PCDHA6: variants seen among roughly 807,000 people sequenced by gnomAD.
PCDHA6 encodes the protein protocadherin alpha-6.
Under a neutral mutation model 60.3 loss-of-function variants are expected in PCDHA6, and 55 were observed. The ratio of observed to expected loss-of-function variants is 0.91; its 90% CI spans 0.73 to 1.14. PCDHA6 has a LOEUF of 1.14. Among genes scored for constraint, PCDHA6 ranks in the 50% most tolerant of loss-of-function variants. PCDHA6 has a pLI of 0.00. For missense variants in PCDHA6, 1,327 were observed against 1,256.5 expected (o/e 1.06, Z -0.85); for synonymous variants, 652 against 557.9 (o/e 1.17, Z -2.38).
intron 1 of PCDHA6, chr5:140,875,600 C>T: frequency 6.2e-7 from 1 of 1,613,884 alleles, no homozygotes; most frequent in Non-Finnish European, 8.5e-7. Context: ...AAACACGGCA[C>T]CTTCGTGGGC....
intron 3 of PCDHA6, among the ~76,000 whole-genome samples, chr5:141,000,417 A>T (rs1334137638): frequency 1.8e-3 from 141 of 77,654 alleles, no homozygotes; most frequent in African/African-American, 4.6e-3. Context: ...ATATATATAT[A>T]TATATTTTTT....
intron 3 of PCDHA6, among the ~76,000 whole-genome samples, chr5:141,000,381 CTCTCTCTCTCTCTCTATA>C (rs1371464108): frequency 4.9e-5 from 3 of 61,382 alleles, no homozygotes; most frequent in South Asian, 5.3e-4. Flanking sequence ...CTCTCTCTCT[CTCTCTCTCTCTCTCTATA>C]TATATATATA....
At chr5:140,873,590 A>C (rs1188968124) in intron 1 of PCDHA6, among the ~76,000 whole-genome samples, 2 of 152,202 alleles carry the variant, frequency 1.3e-5, no homozygotes, top group Non-Finnish European at 2.9e-5. Flanking sequence ...ATTAAGCTAA[A>C]CTTAGATGTT....
At chr5:140,831,424 A>G (rs2150194380) in intron 1 of PCDHA6, among the ~76,000 whole-genome samples, 13 of 151,636 alleles carry the variant, frequency 8.6e-5, no homozygotes, top group Non-Finnish European at 1.6e-4. Flanking sequence ...CAGTGGTGCA[A>G]TAATGGCTCA....
At chr5:140,986,861 C>T (rs1007036038) in intron 3 of PCDHA6, among the ~76,000 whole-genome samples, 12 of 152,086 alleles carry the variant, frequency 7.9e-5, no homozygotes, top group Non-Finnish European at 1.0e-4. Flanking sequence ...CAACAATACC[C>T]GGAAACTTGT....
In PCDHA6 at chr5:140,830,329, G is replaced by C. The variant is rs2150185018; in HGVS notation, c.2238G>C (p.Gly746=). 6.2e-7 allele frequency: 1 copy of C among 1,614,050 alleles called. No homozygotes were observed. Among genetic ancestry groups the C allele is most frequent in the Non-Finnish European group, 8.5e-7 (1 of 1,179,960 alleles). The change falls in exon 1 of 4, where the codon GGG becomes GGC. Residue 746 remains glycine, a synonymous_variant. Transcript: ENST00000529310. ...KPTLVCSSAV[G]SWSYSQQRRQ... ...CGCTGGTGTGCTCCAGCGCAGTGGG[G>C]AGCTGGTCGTACTCGCAGCAGAGGC...
chr5:140,912,533 A>G (rs570012858), intron 1 of PCDHA6, among the ~76,000 whole-genome samples: 1 of 152,224 alleles, frequency 6.6e-6, no homozygotes, highest in African/African-American at 2.4e-5. Flanking sequence ...AGAGTACATG[A>G]TCATATTGTC....
At chr5:140,854,909 G>C (rs1295662316) in intron 1 of PCDHA6, among the ~76,000 whole-genome samples, 1 of 149,376 alleles carries the variant, frequency 6.7e-6, no homozygotes, top group Non-Finnish European at 1.5e-5. Flanking sequence ...AATATAACAG[G>C]GTTGAAAGCA....
chr5:140,948,497 C>G (rs1181465701), intron 1 of PCDHA6, among the ~76,000 whole-genome samples: 2 of 151,510 alleles, frequency 1.3e-5, no homozygotes, highest in Non-Finnish European at 3.0e-5. Context: ...CTTTCATAGA[C>G]TTTCTATTAA....
chr5:140,969,418 TTAACAG>T (rs782375088), intron 1 of PCDHA6: 40 of 1,564,272 alleles, frequency 2.6e-5, no homozygotes, highest in Non-Finnish European at 3.4e-5. Context: ...TATTGAGTCA[TTAACAG>T]TGACAAGAGT....
At position 140,856,702 on chromosome 5, in the gene PCDHA6, A is replaced by G. The variant is rs782234318; in HGVS notation, c.2394+26217A>G. The stretch of plus-strand genomic sequence containing the variant: ...TGTTGACAGCAACTGATGGAGGCAA[A>G]CCTGAATTTACCGGATCTGTTTCTC... On this transcript the variant is annotated intron_variant, in intron 1 of 3. Transcript: ENST00000529310. The G allele has an allele frequency of 1.7e-5, 27 of 1,596,504 alleles. 5 individuals are homozygous for G. Among genetic ancestry groups the G allele is most frequent in the Middle Eastern group, 3.3e-4 (2 of 6,020 alleles).
intron 1 of PCDHA6, among the ~76,000 whole-genome samples, chr5:140,942,896 C>CT (rs1554215262): frequency 6.6e-6 from 1 of 151,664 alleles, no homozygotes; most frequent in African/African-American, 2.4e-5. Flanking sequence ...AAATTTATCT[C>CT]TAAGAATAAG....
rs150822529 is a variant in PCDHA6 at position 140,836,094 on chromosome 5, G to A, written c.2394+5609G>A. 2.0e-4 allele frequency: 328 copies of A among 1,613,708 alleles called. No individual in the cohort carries two copies. Among genetic ancestry groups the A allele is most frequent in the Admixed American group, 3.7e-4 (22 of 60,012 alleles). ...GCCGGCACTGCTGGCGCCTCGGGTG[G>A]GTGGCACTGGTGGCGCAGTGAGAGA... On this transcript the variant is annotated intron_variant, in intron 1 of 3. Transcript: ENST00000529310.
At chr5:140,995,963 A>G (rs2097706042) in intron 3 of PCDHA6, among the ~76,000 whole-genome samples, 1 of 152,234 alleles carries the variant, frequency 6.6e-6, no homozygotes, top group Non-Finnish European at 1.5e-5. Context: ...AATGCTTAGA[A>G]CCATGCTTAG....
rs2096830970 is a variant in PCDHA6, at chr5:140,978,991, A to C, written c.2437A>C (p.Arg813=). Residue 813 remains arginine, a synonymous_variant, in exon 2 of 4, where the codon AGA becomes CGA. Coordinates refer to ENST00000529310, the MANE Select transcript of PCDHA6 (RefSeq NM_018909.4). ...TGACTGGCGTTACTCTGCCTCCCTG[A>C]GAGCAGGCATGCACAGGTATGTATT... ...NPDWRYSASL[R]AGMHSSVHLE... is the part of the protein sequence containing the mutation. 1.2e-6 allele frequency: 2 copies of C among 1,614,188 alleles called. No individual in the cohort carries two copies. Among genetic ancestry groups the C allele is most frequent in the East Asian group, 2.2e-5 (1 of 44,882 alleles).
intron 1 of PCDHA6, chr5:140,863,320 CT>C: frequency 6.9e-7 from 1 of 1,445,292 alleles, no homozygotes; most frequent in South Asian, 1.1e-5. Flanking sequence ...GGTGTCCAGC[CT>C]GTTAGTGCTC....
intron 1 of PCDHA6, among the ~76,000 whole-genome samples, chr5:140,892,705 T>C (rs1395351366): frequency 6.6e-6 from 1 of 152,210 alleles, no homozygotes; most frequent in Non-Finnish European, 1.5e-5. Flanking sequence ...TCAGGGTAAT[T>C]AGCATATTCA....
At position 140,852,582 on chromosome 5, in the gene PCDHA6, A is replaced by ATTT. The variant is rs527656692; in HGVS notation, c.2394+22107_2394+22109dup. The ATTT allele has an allele frequency of 5.4e-4, 378 of 693,802 alleles. 2 individuals carry two copies. The highest frequency in any genetic ancestry group is 7.4e-4 in the Middle Eastern group (1 of 1,344). The allele number at this position is 693,802 out of a possible 1,614,324, so 43.0% of individuals were successfully genotyped here. On this transcript the variant is annotated intron_variant, in intron 1 of 3. Coordinates refer to ENST00000529310, the MANE Select transcript of PCDHA6 (RefSeq NM_018909.4). ...TGAGCCACTGTGCCAAGGCTTTTTTATTTTTTTTTTTTGTCATTTTCTTTC... is the reference window on the plus strand; with the variant it reads ...TGAGCCACTGTGCCAAGGCTTTTTTATTTTTTTTTTTTTTTGTCATTTTCTTTC...
chr5:140,985,096 C>A (rs1486346952), intron 3 of PCDHA6, among the ~76,000 whole-genome samples: 1 of 152,096 alleles, frequency 6.6e-6, no homozygotes, highest in Non-Finnish European at 1.5e-5. Context: ...TGCCACCAAG[C>A]CTGGCTAATT....
Sources: gnomAD v4.1 joint callset for allele counts (sites outside exome capture counted in the v4.1 genomes callset) on GRCh38, gnomAD v4.1.1 for gene constraint, MANE v1.5 for transcripts, NCBI Gene and HGNC (gene_info 2026-07-23, HGNC 2026-07-21) for gene names.